The following CFAP44 variants were observed in gnomAD, a reference collection of about 807,000 sequenced individuals.
The protein encoded by CFAP44 is cilia- and flagella-associated protein 44.
In CFAP44, 134 loss-of-function variants were observed where a neutral mutation model predicts 216.2. That is an observed-to-expected ratio of 0.62 (90% CI 0.54 to 0.72). The LOEUF (loss-of-function observed/expected upper bound fraction) is 0.72. CFAP44 is among the 30% of genes least tolerant of loss of function. The pLI is 0.00. For missense variants in CFAP44, 2,035 were observed against 2,182.1 expected (o/e 0.93, Z 1.34); for synonymous variants, 700 against 727.6 (o/e 0.96, Z 0.61).
chr3:113,393,807 G>C (rs976121700), intron 15 of CFAP44, among the ~76,000 whole-genome samples: 1 of 151,952 alleles, frequency 6.6e-6, no homozygotes, highest in Non-Finnish European at 1.5e-5. Context: ...GAGCCACCGC[G>C]CCTGATCTCC....
In CFAP44 at chr3:113,289,443, A is replaced by G. The variant is rs1949807768; in HGVS notation, c.*2114T>C. 1.3e-5 allele frequency: 2 copies of G among 152,218 alleles called. No homozygotes were observed. Among genetic ancestry groups the G allele is most frequent in the Non-Finnish European group, 2.9e-5 (2 of 68,042 alleles). 9.4% of individuals were successfully genotyped at this position (152,218 alleles called of 1,614,324 possible). On this transcript the variant is annotated 3_prime_UTR_variant, in exon 35 of 35. Transcript: ENST00000393845. ...ATCAGAATCAGAATCTCAGAATGGG[A>G]AGGAACCCATTCTACCAATCCTTCA...
intron 29 of CFAP44, among the ~76,000 whole-genome samples, chr3:113,306,758 A>C (rs1357353139): frequency 6.6e-6 from 1 of 152,210 alleles, no homozygotes; most frequent in African/African-American, 2.4e-5. Context: ...TTATCCACCA[A>C]GTAATAGAGA....
At chr3:113,336,509 C>T (rs1200690044) in intron 24 of CFAP44, among the ~76,000 whole-genome samples, 2 of 151,790 alleles carry the variant, frequency 1.3e-5, no homozygotes, top group Non-Finnish European at 2.9e-5. Context: ...AAAACTAACT[C>T]AAGAAGAAAT....
intron 2 of CFAP44, among the ~76,000 whole-genome samples, chr3:113,428,637 C>T (rs1487513516): frequency 6.6e-6 from 1 of 152,256 alleles, no homozygotes; most frequent in Admixed American, 6.5e-5. Context: ...ACCAAAAACA[C>T]AAACTCCATT....
intron 28 of CFAP44, among the ~76,000 whole-genome samples, chr3:113,312,108 G>T (rs1950045273): frequency 7.0e-6 from 1 of 142,122 alleles, no homozygotes; most frequent in African/African-American, 2.7e-5. Context: ...AAGTCATGCT[G>T]TCACCCAGGC....
chr3:113,332,789 T>C (rs1362371254), intron 25 of CFAP44, among the ~76,000 whole-genome samples: 7 of 152,110 alleles, frequency 4.6e-5, no homozygotes, highest in African/African-American at 9.7e-5. Flanking sequence ...CTAGAAAAGT[T>C]TGGAAGTCCT....
chr3:113,409,027 A>ATT, intron 7 of CFAP44, 79 bp downstream of exon 7: 9 of 852,490 alleles, frequency 1.1e-5, no homozygotes, highest in East Asian at 2.8e-5. Context: ...AAAAAAAAAA[A>ATT]AAGTCTCCAG....
chr3:113,414,786 A>G (rs74868139), intron 6 of CFAP44, among the ~76,000 whole-genome samples: 3 of 152,178 alleles, frequency 2.0e-5, no homozygotes, highest in Admixed American at 6.5e-5. Context: ...AGATTTTTGC[A>G]TCGATGTTCA....
At position 113,344,689 on chromosome 3, in the gene CFAP44, T is replaced by C. The variant is rs1314335359; in HGVS notation, c.3089A>G (p.Asp1030Gly). Residue 1030 changes from aspartate to glycine, a missense_variant, in exon 23 of 35, where the codon GAT becomes GGT. By Grantham distance (94) the Asp-to-Gly change is moderately conservative. Transcript: ENST00000393845. ...KNRFRDPLES[D>G]TIVVHAILSD... ...CAGTATGGCATGAACCACAATAGTA[T>C]CACTTTCCAGTGGATCTCGAAATCT... 5.3e-6 allele frequency: 8 copies of C among 1,512,108 alleles called. No individual in the cohort carries two copies. The highest frequency in any genetic ancestry group is 7.0e-6 in the Non-Finnish European group (8 of 1,138,372). The allele number at this position is 1,512,108 out of a possible 1,614,324, so 93.7% of individuals were successfully genotyped here.
chr3:113,314,732 C>T (rs897242028), intron 28 of CFAP44, among the ~76,000 whole-genome samples: 9 of 151,866 alleles, frequency 5.9e-5, no homozygotes, highest in African/African-American at 2.2e-4. Context: ...AATATTTATA[C>T]AAGTATATTA....
Position 113,330,448 on chromosome 3 carries a change from A to C in CFAP44, c.3836T>G (p.Phe1279Cys). The change falls in exon 26 of 35, where the codon TTT (phenylalanine) becomes TGT (cysteine). Residue 1279 changes from phenylalanine (F) to cysteine (C), a missense_variant. By Grantham distance (205) the Phe-to-Cys change is radical. This residue lies in a region of CFAP44 where 1,883 missense variants were observed against 2,023.7 expected (regional missense o/e 0.93). Transcript: ENST00000393845. Reference sequence around the variant, plus strand: ...TTTACTTTTCATTTGCTGTTGCTTAAAATTTAGGAGAGTTTCTTCATCATA... The same window carrying C: ...TTTACTTTTCATTTGCTGTTGCTTACAATTTAGGAGAGTTTCTTCATCATA... ...FQYDEETLLN[F>C]KQQQMKSKDE... The C allele has an allele frequency of 2.0e-6, 3 of 1,537,244 alleles. No individual in the cohort carries two copies. The highest frequency in any genetic ancestry group is 2.6e-6 in the Non-Finnish European group (3 of 1,146,916).
intron 9 of CFAP44, among the ~76,000 whole-genome samples, chr3:113,402,400 A>G (rs144811021): frequency 3.3e-5 from 5 of 152,288 alleles, no homozygotes; most frequent in Non-Finnish European, 1.5e-5. Context: ...AGGAGTCTAG[A>G]ATACTATAGG....
intron 15 of CFAP44, among the ~76,000 whole-genome samples, chr3:113,384,864 CAAG>C (rs1029306136): frequency 6.6e-6 from 1 of 152,142 alleles, no homozygotes; most frequent in African/African-American, 2.4e-5. Flanking sequence ...ATGAGGGAGT[CAAG>C]AAGTTCAGAG....
chr3:113,371,062 T>C (rs922768296), intron 18 of CFAP44, among the ~76,000 whole-genome samples: 2 of 152,166 alleles, frequency 1.3e-5, no homozygotes, highest in Non-Finnish European at 2.9e-5. Flanking sequence ...TACAAACCAC[T>C]GCTCAATGAA....
chr3:113,401,772 T>A, intron 9 of CFAP44, 33 bp from the exon 10 acceptor site: 1 of 1,553,190 alleles, frequency 6.4e-7, no homozygotes, highest in Non-Finnish European at 8.7e-7. Flanking sequence ...CTTTAATCGA[T>A]CAGTAGTTTC....
At chr3:113,365,122 A>G (rs542269183) in intron 19 of CFAP44, among the ~76,000 whole-genome samples, 2 of 152,144 alleles carry the variant, frequency 1.3e-5, no homozygotes, top group Non-Finnish European at 2.9e-5. Flanking sequence ...ACATTTTTCT[A>G]TCCAATATGG....
chr3:113,300,644 T>C (rs561470334), intron 32 of CFAP44, among the ~76,000 whole-genome samples: 2 of 152,010 alleles, frequency 1.3e-5, no homozygotes, highest in South Asian at 2.1e-4. Flanking sequence ...AATTCATACA[T>C]ATCAATTTTT....
intron 24 of CFAP44, among the ~76,000 whole-genome samples, chr3:113,338,932 T>C (rs191124755): frequency 1.1e-4 from 17 of 152,142 alleles, no homozygotes; most frequent in Admixed American, 3.3e-4. Context: ...CTGCTGGGGG[T>C]GCCTCTGAGA....
rs181092220 is a variant in CFAP44 at position 113,303,613 on chromosome 3, A to G, written c.5077+303T>C. 1.9e-4 allele frequency among the ~76,000 whole-genome samples: 29 copies of G among 152,282 alleles called. No individual in the cohort carries two copies. The East Asian group carries it at 5.4e-3, about 28-fold the overall frequency. On this transcript the variant is annotated intron_variant, in intron 32 of 34. Transcript: ENST00000393845. ...AGAGATGGGGCTTCGATTGTATCTC[A>G]ACGTTTTCTTTCTTAACCTGGGTAG...
Sources: allele counts gnomAD v4.1 joint callset (sites outside exome capture counted in the v4.1 genomes callset), GRCh38; gene constraint gnomAD v4.1.1; regional missense constraint gnomAD v4.1.1; transcripts MANE v1.5; gene names NCBI Gene and HGNC (gene_info 2026-07-23, HGNC 2026-07-21).